IGF2BP2: variants seen among roughly 807,000 people sequenced by gnomAD.
IGF2BP2 encodes insulin like growth factor 2 mRNA binding protein 2.
IGF2BP2 carries 17 observed loss-of-function variants against 75.8 expected under a neutral mutation model. The ratio of observed to expected loss-of-function variants is 0.22; its 90% CI spans 0.15 to 0.34. The LOEUF is 0.34. Among genes scored for constraint, IGF2BP2 ranks in the 10% least tolerant of loss-of-function variants. The pLI, the probability that IGF2BP2 is intolerant of heterozygous loss-of-function variation, is 1.00. For synonymous variants in IGF2BP2, 288 were observed against 295.6 expected (o/e 0.97, Z 0.26); for missense variants, 516 against 772.4 (o/e 0.67, Z 3.93).
At chr3:185,649,298 C>A in intron 14 of IGF2BP2, 105 bp downstream of exon 14, 1 of 1,429,794 alleles carries the variant, frequency 7.0e-7, no homozygotes, top group Non-Finnish European at 9.6e-7. Flanking sequence ...AAGACCCTGA[C>A]TGTACATTGG....
chr3:185,792,180 G>GT, intron 2 of IGF2BP2, among the ~76,000 whole-genome samples: 1 of 152,268 alleles, frequency 6.6e-6, no homozygotes, highest in East Asian at 1.9e-4. Flanking sequence ...AGTAAATCCT[G>GT]TTAAAAAGTA....
At chr3:185,730,074 C>CA (rs1248164015) in intron 2 of IGF2BP2, among the ~76,000 whole-genome samples, 1 of 152,170 alleles carries the variant, frequency 6.6e-6, no homozygotes, top group Non-Finnish European at 1.5e-5. Flanking sequence ...ACCCATCACT[C>CA]AAATAGTGAA....
intron 2 of IGF2BP2, among the ~76,000 whole-genome samples, chr3:185,820,006 A>G (rs1741117382): frequency 6.6e-6 from 1 of 152,064 alleles, no homozygotes; most frequent in Non-Finnish European, 1.5e-5. Context: ...CATGAAAGAC[A>G]AATTCATAGC....
intron 2 of IGF2BP2, among the ~76,000 whole-genome samples, chr3:185,772,833 C>G (rs2149760634): frequency 6.6e-6 from 1 of 152,312 alleles, no homozygotes; most frequent in East Asian, 1.9e-4. Flanking sequence ...CCACCCACCT[C>G]AGCCTCCCAA....
At chr3:185,683,598 G>A (rs1264975440) in intron 7 of IGF2BP2, among the ~76,000 whole-genome samples, 1 of 151,960 alleles carries the variant, frequency 6.6e-6, no homozygotes, top group African/African-American at 2.4e-5. Context: ...TAGTAGAGAC[G>A]AGGTTTCACC....
At chr3:185,649,617 T>C (rs1714221539) in intron 13 of IGF2BP2, 83 bp from the exon 14 acceptor site, 1 of 1,560,828 alleles carries the variant, frequency 6.4e-7, no homozygotes. Flanking sequence ...CACTGGAGAG[T>C]CCAGACAATG....
chr3:185,698,415 CG>C, intron 2 of IGF2BP2, 68 bp from the exon 3 acceptor site: 1 of 1,415,864 alleles, frequency 7.1e-7, no homozygotes, highest in Non-Finnish European at 9.9e-7. Context: ...TAATAAAAAC[CG>C]GCTTAAACCC....
intron 2 of IGF2BP2, among the ~76,000 whole-genome samples, chr3:185,731,726 G>A (rs1409610246): frequency 6.6e-6 from 1 of 151,996 alleles, no homozygotes; most frequent in Non-Finnish European, 1.5e-5. Context: ...TGTAATCCCA[G>A]CACTTTGGGA....
rs1027311361 is a variant in IGF2BP2 at position 185,647,215 on chromosome 3, G to A, written c.1594-77C>T. On this transcript the variant is annotated intron_variant, in intron 14 of 15. Coordinates refer to ENST00000382199, the MANE Select transcript of IGF2BP2 (RefSeq NM_006548.6). This position sits in a 1 kb window ranked among gnomAD's most constrained non-coding sequence, Gnocchi z 4.9. ...TGGTGGGCTCAGGACGGAGTGAGGG[G>A]CCAAGAGGTGGAGCAGGGGAAGGAG... 11 of 1,013,426 alleles carry A rather than the reference G, an allele frequency of 1.1e-5. No homozygotes were observed. The African/African-American group carries it at 1.4e-4, about 13-fold the overall frequency. 62.8% of individuals were successfully genotyped at this position (1,013,426 alleles called of 1,614,324 possible).
At chr3:185,662,038 C>T (rs1007621716) in intron 10 of IGF2BP2, among the ~76,000 whole-genome samples, 2 of 152,122 alleles carry the variant, frequency 1.3e-5, no homozygotes, top group Non-Finnish European at 2.9e-5. Flanking sequence ...GCGGGGGAGG[C>T]AGCACCAGTG....
intron 2 of IGF2BP2, among the ~76,000 whole-genome samples, chr3:185,778,192 C>G (rs1238784361): frequency 6.6e-6 from 1 of 152,154 alleles, no homozygotes; most frequent in Non-Finnish European, 1.5e-5. Context: ...TGGAGCACGT[C>G]TTGGCAGCTC....
chr3:185,653,929 T>G (rs1048290112), intron 12 of IGF2BP2, among the ~76,000 whole-genome samples: 2 of 152,212 alleles, frequency 1.3e-5, no homozygotes, highest in Non-Finnish European at 2.9e-5. Flanking sequence ...TCTGGACCAC[T>G]GTGTCACTTG....
chr3:185,688,428 C>T (rs974117890), intron 6 of IGF2BP2, among the ~76,000 whole-genome samples: 7 of 152,092 alleles, frequency 4.6e-5, no homozygotes, highest in East Asian at 1.9e-4. Flanking sequence ...CTGCAACCTC[C>T]GCCTCCTGGG....
chr3:185,737,369 T>C (rs946326230), intron 2 of IGF2BP2, among the ~76,000 whole-genome samples: 1 of 152,180 alleles, frequency 6.6e-6, no homozygotes, highest in Admixed American at 6.5e-5. Context: ...TGTGAAAAAA[T>C]ATTGGACTGG....
intron 2 of IGF2BP2, among the ~76,000 whole-genome samples, chr3:185,787,106 A>C (rs1285316408): frequency 6.6e-6 from 1 of 152,200 alleles, no homozygotes; most frequent in Non-Finnish European, 1.5e-5. Flanking sequence ...AACCATTTGT[A>C]GAATGGTGAT....
rs1421547578 is a variant in IGF2BP2, at chr3:185,665,369, AGG to A, written c.1201-6962_1201-6961del. On this transcript the variant is annotated intron_variant, in intron 10 of 15. Coordinates refer to ENST00000382199, the MANE Select transcript of IGF2BP2 (RefSeq NM_006548.6). ...AAGGAGGAGGAGGAGAAGGAGGAGG[AGG>A]AGAAGGAGGAGGAGGAGAAGGAGGA... Among the ~76,000 whole-genome samples the A allele has an allele frequency of 5.6e-4, 80 of 142,068 alleles. 1 individual carries two copies. Among genetic ancestry groups the A allele is most frequent in the African/African-American group, 1.9e-3 (72 of 38,406 alleles). The allele number at this position is 142,068 out of a possible 152,430, so 93.2% of individuals were successfully genotyped here.
At chr3:185,686,050 A>T (rs909074289) in intron 7 of IGF2BP2, among the ~76,000 whole-genome samples, 1 of 152,178 alleles carries the variant, frequency 6.6e-6, no homozygotes, top group Non-Finnish European at 1.5e-5. Flanking sequence ...AACTGGGACA[A>T]CCCTCATTAC....
intron 2 of IGF2BP2, among the ~76,000 whole-genome samples, chr3:185,727,950 G>C (rs1408896968): frequency 6.6e-6 from 1 of 152,074 alleles, no homozygotes; most frequent in African/African-American, 2.4e-5. Context: ...TCTGTATACT[G>C]CACTACCTAC....
intron 10 of IGF2BP2, among the ~76,000 whole-genome samples, chr3:185,661,269 T>C (rs1039648681): frequency 6.6e-6 from 1 of 152,172 alleles, no homozygotes; most frequent in Non-Finnish European, 1.5e-5. Context: ...TTTCTGAGCC[T>C]TATCCACAAA....
Sources: gnomAD v4.1 joint callset for allele counts (sites outside exome capture counted in the v4.1 genomes callset) on GRCh38, gnomAD v4.1.1 for gene constraint, Gnocchi (gnomAD v3.1) non-coding constraint, MANE v1.5 for transcripts, NCBI Gene and HGNC (gene_info 2026-07-23, HGNC 2026-07-21) for gene names.